Variants in TOM1L1 observed in about 807,000 individuals in gnomAD.
The protein encoded by TOM1L1 is target of myb1 like 1 membrane trafficking protein, also known as TOM1-like protein 1.
In TOM1L1, 64 loss-of-function variants were observed where a neutral mutation model predicts 63.4. That is an observed-to-expected ratio of 1.01 (90% confidence interval 0.83 to 1.24). TOM1L1 has a LOEUF of 1.24. Among genes scored for constraint, TOM1L1 ranks in the 50% most tolerant of loss-of-function variants. The pLI, the probability that TOM1L1 is intolerant of heterozygous loss-of-function variation, is 0.00. For missense variants in TOM1L1, 536 were observed against 567.0 expected (o/e 0.95, Z 0.55); for synonymous variants, 166 against 194.4 (o/e 0.85, Z 1.22).
intron 8 of TOM1L1, among the ~76,000 whole-genome samples, chr17:54,932,712 C>T (rs1016506269): frequency 2.0e-5 from 3 of 152,226 alleles, no homozygotes; most frequent in Non-Finnish European, 4.4e-5. Context: ...TGAGCCACCG[C>T]GCCTGGCCAC....
At chr17:54,945,216 G>A (rs915306042) in intron 11 of TOM1L1, among the ~76,000 whole-genome samples, 1 of 152,048 alleles carries the variant, frequency 6.6e-6, no homozygotes, top group Non-Finnish European at 1.5e-5. Context: ...TTTGTCATTG[G>A]ATTTATGGCC....
intron 14 of TOM1L1, chr17:54,954,007 G>A (rs931622396): frequency 6.6e-6 from 1 of 152,162 alleles, no homozygotes. Context: ...CCAGGGACTG[G>A]CTTGCTTCCC....
At chr17:54,912,492 C>T (rs182478256) in intron 3 of TOM1L1, among the ~76,000 whole-genome samples, 174 bp from the exon 4 acceptor site, 1 of 152,320 alleles carries the variant, frequency 6.6e-6, no homozygotes, top group East Asian at 1.9e-4. Flanking sequence ...ACATTATGCT[C>T]ATACTTCCAC....
intron 14 of TOM1L1, chr17:54,954,152 T>C (rs2049373683): frequency 6.6e-6 from 1 of 152,168 alleles, no homozygotes; most frequent in African/African-American, 2.4e-5. Flanking sequence ...AGCACACATA[T>C]TGTCTGCCTC....
chr17:54,902,148 G>T (rs2048336886), intron 1 of TOM1L1, among the ~76,000 whole-genome samples: 1 of 152,158 alleles, frequency 6.6e-6, no homozygotes, highest in South Asian at 2.1e-4. Flanking sequence ...CCTTTGCAAT[G>T]CAAGAAAATG....
intron 7 of TOM1L1, among the ~76,000 whole-genome samples, chr17:54,926,518 T>C (rs143130925): frequency 4.6e-5 from 7 of 152,206 alleles, no homozygotes; most frequent in Admixed American, 3.9e-4. Context: ...AATGCTCTAG[T>C]ATTTAGAATA....
intron 8 of TOM1L1, among the ~76,000 whole-genome samples, chr17:54,932,984 C>T (rs888225383): frequency 6.6e-6 from 1 of 152,184 alleles, no homozygotes; most frequent in African/African-American, 2.4e-5. Context: ...TCTGACTGGG[C>T]TTTGAACCCT....
intron 3 of TOM1L1, among the ~76,000 whole-genome samples, chr17:54,907,017 G>A (rs916333250): frequency 4.6e-5 from 7 of 152,204 alleles, no homozygotes; most frequent in Admixed American, 1.3e-4. Context: ...CTAGTTACAT[G>A]AAGAAGAAAA....
At chr17:54,917,051 T>A (rs2048602237) in intron 7 of TOM1L1, 2 of 152,178 alleles carry the variant, frequency 1.3e-5, no homozygotes, top group Non-Finnish European at 2.9e-5. Context: ...TCTAGTTGCA[T>A]TTGTTATTTT....
At chr17:54,910,900 A>C (rs2048486988) in intron 3 of TOM1L1, among the ~76,000 whole-genome samples, 1 of 152,240 alleles carries the variant, frequency 6.6e-6, no homozygotes, top group South Asian at 2.1e-4. Flanking sequence ...AAGAGAGACT[A>C]AAAATACAAA....
At chr17:54,905,406 T>C (rs1251084137) in intron 2 of TOM1L1, 83 bp from the exon 3 acceptor site, 2 of 933,778 alleles carry the variant, frequency 2.1e-6, no homozygotes, top group East Asian at 4.8e-5. Flanking sequence ...CATTCCTCTC[T>C]CCAAATGCAT....
At chr17:54,907,108 A>G (rs780937187) in intron 3 of TOM1L1, among the ~76,000 whole-genome samples, 33 of 151,100 alleles carry the variant, frequency 2.2e-4, no homozygotes, top group Non-Finnish European at 4.3e-4. Context: ...GAAACCCTTC[A>G]CATTGGGATC....
Position 54,915,836 on chromosome 17 carries a change from A to G in TOM1L1, c.694A>G (p.Asn232Asp). 6.2e-7 allele frequency: 1 copy of G among 1,613,834 alleles called. No individual in the cohort carries two copies. The highest frequency in any genetic ancestry group is 8.5e-7 in the Non-Finnish European group (1 of 1,179,824). The change falls in exon 7 of 16, where the codon AAC becomes GAC. Residue 232 changes from asparagine to aspartate, a missense_variant. Physicochemically the swap from Asn to Asp is conservative, Grantham distance 23. Transcript: ENST00000575882. ...ILMENTPGSENHEDIELLQKL... is the reference protein window; with the variant it reads ...ILMENTPGSEDHEDIELLQKL... ...GATGGAGAATACTCCTGGGTCTGAA[A>G]ACCATGAAGACATAGAGCTTCTGCA...
At chr17:54,928,648 C>T (rs917705605) in intron 7 of TOM1L1, among the ~76,000 whole-genome samples, 1 of 152,070 alleles carries the variant, frequency 6.6e-6, no homozygotes, top group African/African-American at 2.4e-5. Context: ...ACTAGATGGC[C>T]CACAAAGCAG....
chr17:54,901,821 T>C (rs1226353163), intron 1 of TOM1L1, among the ~76,000 whole-genome samples: 2 of 152,090 alleles, frequency 1.3e-5, no homozygotes, highest in Non-Finnish European at 2.9e-5. Flanking sequence ...ACACACCACT[T>C]AAACAGAACC....
intron 12 of TOM1L1, among the ~76,000 whole-genome samples, chr17:54,948,591 AC>A (rs1467746665): frequency 1.3e-5 from 2 of 151,656 alleles, no homozygotes; most frequent in Non-Finnish European, 2.9e-5. Flanking sequence ...GCAGTATTCC[AC>A]CCCAGTCTCT....
intron 5 of TOM1L1, 29 bp from the exon 6 acceptor site, chr17:54,914,607 CATA>C (rs775035500): frequency 6.4e-7 from 1 of 1,570,810 alleles, no homozygotes; most frequent in Non-Finnish European, 8.8e-7. Flanking sequence ...TGTTAATTCA[CATA>C]ATAATATTAC....
At chr17:54,950,451 A>G (rs953541339) in intron 14 of TOM1L1, among the ~76,000 whole-genome samples, 1 of 152,218 alleles carries the variant, frequency 6.6e-6, no homozygotes. Flanking sequence ...GATTGGTGAC[A>G]TAAGTTTATG....
intron 8 of TOM1L1, among the ~76,000 whole-genome samples, chr17:54,930,676 C>T (rs2048843910): frequency 1.3e-5 from 2 of 152,014 alleles, no homozygotes; most frequent in South Asian, 4.2e-4. Context: ...CCCATCTCTA[C>T]TAAAAATACA....
Sources: gnomAD v4.1 joint callset for allele counts (sites outside exome capture counted in the v4.1 genomes callset) on GRCh38, gnomAD v4.1.1 for gene constraint, MANE v1.5 for transcripts, NCBI Gene and HGNC (gene_info 2026-07-23, HGNC 2026-07-21) for gene names.